PIN1: variants seen among roughly 807,000 people sequenced by gnomAD.
PIN1 encodes peptidyl-prolyl cis-trans isomerase NIMA-interacting 1.
A neutral mutation model predicts 19.9 loss-of-function variants in PIN1; 8 were observed. The ratio of observed to expected loss-of-function variants is 0.40; its 90% confidence interval spans 0.24 to 0.72. PIN1 has a LOEUF of 0.72. Among genes scored for constraint, PIN1 ranks in the 30% least tolerant of loss-of-function variants. The pLI, the probability that PIN1 is intolerant of heterozygous loss-of-function variation, is 0.37. For synonymous variants in PIN1, 86 were observed against 90.8 expected (o/e 0.95, Z 0.30); for missense variants, 185 against 226.5 (o/e 0.82, Z 1.18).
chr19:9,846,813 A>T lies in PIN1; in HGVS notation c.272-1217A>T, dbSNP rs2046224533. ...TTTAGGTCAGAAGGAGCAAGGGTAG[A>T]AGTGTCAGGGTGACATTAAGAAACC... On this transcript the variant is annotated intron_variant, in intron 2 of 3. Transcript: ENST00000247970. This position sits in a 1 kb window ranked among gnomAD's most constrained non-coding sequence, Gnocchi z 5.9. Among the ~76,000 whole-genome samples, 1 of 152,138 alleles carries T rather than the reference A, an allele frequency of 6.6e-6. No homozygotes were observed. The highest frequency in any genetic ancestry group is 2.4e-5 in the African/African-American group (1 of 41,436).
intron 2 of PIN1, among the ~76,000 whole-genome samples, chr19:9,840,385 T>C (rs2145411830): frequency 6.6e-6 from 1 of 152,058 alleles, no homozygotes; most frequent in East Asian, 1.9e-4. Context: ...AGACTCCGTC[T>C]CAAAAAAACA....
Position 9,838,468 on chromosome 19 carries a change from G to A in PIN1, c.91G>A (p.Ala31Thr), listed in dbSNP as rs756474969. Residue 31 changes from alanine to threonine, a missense_variant, in exon 2 of 4, where the codon GCC (alanine) becomes ACC (threonine). Transcript: ENST00000247970. This position sits in a 1 kb window ranked among gnomAD's most constrained non-coding sequence, Gnocchi z 5.8. ...RVYYFNHITN[A>T]SQWERPSGNS... ...GTACTACTTCAACCACATCACTAAC[G>A]CCAGCCAGTGGGAGCGGCCCAGCGG... 10 of 1,608,232 alleles carry A rather than the reference G, an allele frequency of 6.2e-6. No homozygotes were observed. Among genetic ancestry groups the A allele is most frequent in the Non-Finnish European group, 8.5e-6 (10 of 1,178,438 alleles).
intron 2 of PIN1, among the ~76,000 whole-genome samples, chr19:9,844,495 C>T (rs1314222792): frequency 1.3e-5 from 2 of 152,174 alleles, no homozygotes; most frequent in African/African-American, 4.8e-5. Context: ...GGTCTGCCAG[C>T]ACAGATAGGT....
intron 2 of PIN1, among the ~76,000 whole-genome samples, chr19:9,847,648 T>C (rs1346293226): frequency 6.6e-6 from 1 of 152,200 alleles, no homozygotes; most frequent in Non-Finnish European, 1.5e-5. Context: ...CCTGCTGCTC[T>C]CCTCTGGCCC....
At chr19:9,842,223 A>G (rs2046174366) in intron 2 of PIN1, among the ~76,000 whole-genome samples, 1 of 151,984 alleles carries the variant, frequency 6.6e-6, no homozygotes, top group South Asian at 2.1e-4. Context: ...GAGATTCAGG[A>G]GGCAGGATAG....
In PIN1 at chr19:9,846,217, C is replaced by T. The variant is rs549590892; in HGVS notation, c.272-1813C>T. ...AAGCCTCTGTAATGTGCCATCCCAACAGAAGCTGGGGCCCTGTATGGCATC... is the reference window on the plus strand; with the variant it reads ...AAGCCTCTGTAATGTGCCATCCCAATAGAAGCTGGGGCCCTGTATGGCATC... On this transcript the variant is annotated intron_variant, in intron 2 of 3. Transcript: ENST00000247970. This position sits in a 1 kb window ranked among gnomAD's most constrained non-coding sequence, Gnocchi z 5.9. Among the ~76,000 whole-genome samples the T allele has an allele frequency of 6.6e-5, 10 of 152,346 alleles. No homozygotes were observed. The East Asian group carries it at 1.7e-3, about 26-fold the overall frequency.
At chr19:9,847,879 G>A (rs1011721850) in intron 2 of PIN1, 151 bp from the exon 3 acceptor site, 1 of 676,080 alleles carries the variant, frequency 1.5e-6, no homozygotes, top group Non-Finnish European at 2.7e-6. Context: ...TGTGAGGAGA[G>A]GGGTTGTGGG....
chr19:9,849,610 C>A lies in PIN1; in HGVS notation c.*411C>A. 1.9e-6 allele frequency: 1 copy of A among 533,666 alleles called. No homozygotes were observed. 33.1% of individuals were successfully genotyped at this position (533,666 alleles called of 1,614,324 possible). A position where few individuals can be genotyped will look rare whatever the true frequency, so the allele number is the denominator to read the frequency against. On this transcript the variant is annotated 3_prime_UTR_variant, in exon 4 of 4. Transcript: ENST00000247970. ...CTGTTCAGTCGCAAAGGTGAACACT[C>A]ATGCGGCCCAGCCATGGGCCCTCTG... is the stretch of plus-strand genomic sequence containing the variant.
At chr19:9,835,533 G>T in intron 1 of PIN1, 131 bp downstream of exon 1, 1 of 671,338 alleles carries the variant, frequency 1.5e-6, no homozygotes, top group South Asian at 2.7e-5. Flanking sequence ...TCGTCCCCGG[G>T]GTAACGGCCC....
At position 9,848,144 on chromosome 19, in the gene PIN1, C is replaced by T. The variant is rs369804664; in HGVS notation, c.382+4C>T. ...GACCTGGGTGCCTTCAGCAGAGGTGCGCAAGGAATGGGCCTCACCAGGTTG... is the reference window on the plus strand; with the variant it reads ...GACCTGGGTGCCTTCAGCAGAGGTGTGCAAGGAATGGGCCTCACCAGGTTG... On this transcript the variant is annotated splice_donor_region_variant and intron_variant, in intron 3 of 3. Transcript: ENST00000247970. 1.1e-5 allele frequency: 17 copies of T among 1,562,186 alleles called. No homozygotes were observed. The highest frequency in any genetic ancestry group is 9.5e-5 in the African/African-American group (7 of 73,962).
At chr19:9,839,406 GCA>G (rs1024962377) in intron 2 of PIN1, among the ~76,000 whole-genome samples, 1 of 144,044 alleles carries the variant, frequency 6.9e-6, no homozygotes, top group Non-Finnish European at 1.5e-5. Flanking sequence ...GCAAAGTGAG[GCA>G]CCATCTCAAA....
At position 9,838,498 on chromosome 19, in the gene PIN1, A is replaced by C; in HGVS notation, c.121A>C (p.Ser41Arg). The C allele has an allele frequency of 6.2e-7, 1 of 1,608,438 alleles. No individual in the cohort carries two copies. Among genetic ancestry groups the C allele is most frequent in the Non-Finnish European group, 8.5e-7 (1 of 1,178,274 alleles). Residue 41 changes from serine (S) to arginine (R), a missense_variant, in exon 2 of 4, where the codon AGC (serine) becomes CGC (arginine). Ser to Arg is a moderately radical substitution (Grantham distance 110). Coordinates refer to ENST00000247970, the MANE Select transcript of PIN1 (RefSeq NM_006221.4). The surrounding 1 kb of genome is among the most constrained non-coding windows in gnomAD (Gnocchi z 5.8). ...CCAGTGGGAGCGGCCCAGCGGCAAC[A>C]GCAGCAGTGGTGGCAAAAACGGGCA... ...ASQWERPSGNSSSGGKNGQGE... is the reference protein window; with the variant it reads ...ASQWERPSGNRSSGGKNGQGE...
At chr19:9,839,252 G>C (rs1040954323) in intron 2 of PIN1, among the ~76,000 whole-genome samples, 3 of 151,964 alleles carry the variant, frequency 2.0e-5, no homozygotes, top group Non-Finnish European at 4.4e-5. Flanking sequence ...TGGGCAGTAT[G>C]GTGAAACTCC....
At chr19:9,848,848 G>A (rs924786578) in intron 3 of PIN1, among the ~76,000 whole-genome samples, 2 of 152,172 alleles carry the variant, frequency 1.3e-5, no homozygotes, top group Non-Finnish European at 2.9e-5. Context: ...GGCGGCGGCC[G>A]TAGCCCTGCC....
chr19:9,846,567 T>C lies in PIN1; in HGVS notation c.272-1463T>C, dbSNP rs1466713901. On this transcript the variant is annotated intron_variant, in intron 2 of 3. Coordinates refer to ENST00000247970, the MANE Select transcript of PIN1 (RefSeq NM_006221.4). This position sits in a 1 kb window ranked among gnomAD's most constrained non-coding sequence, Gnocchi z 5.9. The stretch of plus-strand genomic sequence containing the variant: ...GCTGTGCTCTCACGGTGGTACCATT[T>C]CCACTGCAGTCCCAAGCAGGTTAGA... Among the ~76,000 whole-genome samples, 2 of 152,036 alleles carry C rather than the reference T, an allele frequency of 1.3e-5. No homozygotes were observed. The highest frequency in any genetic ancestry group is 4.8e-5 in the African/African-American group (2 of 41,382).
intron 2 of PIN1, among the ~76,000 whole-genome samples, chr19:9,841,285 C>T (rs2046163268): frequency 6.6e-6 from 1 of 152,204 alleles, no homozygotes; most frequent in African/African-American, 2.4e-5. Context: ...GAGCCAGCCT[C>T]CTGACCTCTG....
Position 9,838,736 on chromosome 19 carries a change from T to G in PIN1, c.271+88T>G. ...TCACATCAGACCCTTCACCCCAGCTTGCTCAGCTGCCAGGCGTGGTGTTGG... is the reference window on the plus strand; with the variant it reads ...TCACATCAGACCCTTCACCCCAGCTGGCTCAGCTGCCAGGCGTGGTGTTGG... On this transcript the variant is annotated intron_variant, in intron 2 of 3. Coordinates refer to ENST00000247970, the MANE Select transcript of PIN1 (RefSeq NM_006221.4). This position sits in a 1 kb window ranked among gnomAD's most constrained non-coding sequence, Gnocchi z 5.8. The G allele has an allele frequency of 1.8e-6, 2 of 1,100,964 alleles. No individual in the cohort carries two copies. Among genetic ancestry groups the G allele is most frequent in the Non-Finnish European group, 2.6e-6 (2 of 767,930 alleles). The allele number at this position is 1,100,964 out of a possible 1,614,324, so 68.2% of individuals were successfully genotyped here.
chr19:9,849,116 G>A lies in PIN1; in HGVS notation c.409G>A (p.Ala137Thr), dbSNP rs1173068972. ...TCAGATGCAGAAGCCATTTGAAGAC[G>A]CCTCGTTTGCGCTGCGGACGGGGGA... ...RGQMQKPFED[A>T]SFALRTGEMS... The change falls in exon 4 of 4, where the codon GCC (alanine) becomes ACC (threonine). Residue 137 changes from alanine (A) to threonine (T), a missense_variant. Transcript: ENST00000247970. 3.1e-6 allele frequency: 5 copies of A among 1,613,618 alleles called. No individual in the cohort carries two copies. Among genetic ancestry groups the A allele is most frequent in the South Asian group, 1.1e-5 (1 of 91,078 alleles).
chr19:9,842,081 A>T (rs1016058029), intron 2 of PIN1, among the ~76,000 whole-genome samples: 6 of 152,112 alleles, frequency 3.9e-5, no homozygotes, highest in African/African-American at 1.2e-4. Flanking sequence ...GTACCTGCAG[A>T]TTCTGGAATG....
Sources: gnomAD v4.1 joint callset for allele counts (sites outside exome capture counted in the v4.1 genomes callset) on GRCh38, gnomAD v4.1.1 for gene constraint, Gnocchi (gnomAD v3.1) non-coding constraint, MANE v1.5 for transcripts, NCBI Gene and HGNC (gene_info 2026-07-23, HGNC 2026-07-21) for gene names.